TTC28: variants seen among roughly 807,000 people sequenced by gnomAD.
The protein encoded by TTC28 is tetratricopeptide repeat protein 28.
In TTC28, 61 loss-of-function variants were observed where a neutral mutation model predicts 198.0. The observed-to-expected ratio is 0.31, with a 90% CI of 0.25 to 0.38. TTC28 has a LOEUF of 0.38. TTC28 is among the 10% of genes least tolerant of loss of function. The probability of loss-of-function intolerance (pLI) is 1.00; values close to 1 mark genes in which losing one functional copy is unlikely to be tolerated. For missense variants in TTC28, 2,678 were observed against 3,164.0 expected (o/e 0.85, Z 3.69); for synonymous variants, 1,171 against 1,297.8 (o/e 0.90, Z 2.10).
intron 22 of TTC28, 77 bp downstream of exon 22, chr22:27,985,172 A>G (rs973056637): frequency 7.5e-6 from 8 of 1,063,240 alleles, no homozygotes; most frequent in Admixed American, 2.5e-5. Flanking sequence ...GCTTCCCAAA[A>G]TGTATGTGCT....
intron 6 of TTC28, among the ~76,000 whole-genome samples, chr22:28,111,704 C>A (rs989704884): frequency 6.6e-6 from 1 of 152,070 alleles, no homozygotes; most frequent in Non-Finnish European, 1.5e-5. Context: ...CTTTCTCCCA[C>A]AATCATGCCT....
At chr22:28,344,359 C>A (rs1217061434) in intron 2 of TTC28, among the ~76,000 whole-genome samples, 1 of 151,886 alleles carries the variant, frequency 6.6e-6, no homozygotes, top group Non-Finnish European at 1.5e-5. Flanking sequence ...TGCAAAGGAT[C>A]TGATATTAAG....
At chr22:28,076,683 C>T (rs560554081) in intron 12 of TTC28, among the ~76,000 whole-genome samples, 1 of 152,112 alleles carries the variant, frequency 6.6e-6, no homozygotes, top group Non-Finnish European at 1.5e-5. Context: ...ATCAAGTGAC[C>T]CTCCCACCTT....
chr22:28,455,844 CTT>C (rs1021655771), intron 2 of TTC28, among the ~76,000 whole-genome samples: 4 of 152,078 alleles, frequency 2.6e-5, no homozygotes, highest in African/African-American at 9.6e-5. Context: ...ATACAACTAA[CTT>C]TTTGCTAAAA....
intron 2 of TTC28, among the ~76,000 whole-genome samples, chr22:28,488,008 C>T (rs1316249371): frequency 1.3e-5 from 2 of 152,172 alleles, no homozygotes; most frequent in African/African-American, 2.4e-5. Flanking sequence ...CCACCAGACG[C>T]TCCTGCGCAC....
rs576786581 is a variant in TTC28 at position 28,041,098 on chromosome 22, G to A, written c.3933-10732C>T. Among the ~76,000 whole-genome samples the A allele has an allele frequency of 3.3e-5, 5 of 152,246 alleles. No individual in the cohort carries two copies. The South Asian group carries it at 1.0e-3, about 32-fold the overall frequency. On this transcript the variant is annotated intron_variant, in intron 12 of 22. Coordinates refer to ENST00000397906, the MANE Select transcript of TTC28 (RefSeq NM_001145418.2). The stretch of plus-strand genomic sequence containing the variant: ...AAATAAAAGAGGGCACAAACAAATG[G>A]AAGAACATTCCATGCTCATGGATAG...
At chr22:28,237,870 C>T (rs1356197009) in intron 5 of TTC28, among the ~76,000 whole-genome samples, 3 of 152,084 alleles carry the variant, frequency 2.0e-5, no homozygotes, top group Non-Finnish European at 4.4e-5. Flanking sequence ...CAGATTTTTG[C>T]TAGATACTGA....
At chr22:28,303,502 A>T (rs2045069708) in intron 3 of TTC28, among the ~76,000 whole-genome samples, 1 of 152,214 alleles carries the variant, frequency 6.6e-6, no homozygotes, top group African/African-American at 2.4e-5. Context: ...ATAAAGTAAA[A>T]CAGATTTAAT....
intron 12 of TTC28, among the ~76,000 whole-genome samples, chr22:28,083,210 T>C (rs1052943257): frequency 6.6e-6 from 1 of 152,048 alleles, no homozygotes; most frequent in African/African-American, 2.4e-5. Flanking sequence ...TATCCAGATA[T>C]AGATGTTCAT....
intron 2 of TTC28, among the ~76,000 whole-genome samples, chr22:28,405,298 G>A (rs2146115220): frequency 6.6e-6 from 1 of 152,190 alleles, no homozygotes; most frequent in South Asian, 2.1e-4. Context: ...AAAATCTATG[G>A]TAAAGTGTTA....
At chr22:28,553,014 C>T (rs2049711966) in intron 2 of TTC28, among the ~76,000 whole-genome samples, 1 of 152,124 alleles carries the variant, frequency 6.6e-6, no homozygotes, top group African/African-American at 2.4e-5. Context: ...GTCTCCAGCT[C>T]CTAACCGCGA....
intron 5 of TTC28, among the ~76,000 whole-genome samples, chr22:28,264,537 A>G (rs9608675): frequency 0.063 from 9,626 of 152,284 alleles, 394 homozygotes; most frequent in Admixed American, 0.14. Context: ...GAAGGAGAAG[A>G]AAGGATATTT....
intron 6 of TTC28, among the ~76,000 whole-genome samples, chr22:28,131,296 C>T (rs1943055069): frequency 6.6e-6 from 1 of 152,122 alleles, no homozygotes; most frequent in Admixed American, 6.5e-5. Flanking sequence ...TTGTGAGATA[C>T]AGAGATGTTG....
chr22:28,679,360 AC>A (rs957717055), intron 1 of TTC28, among the ~76,000 whole-genome samples: 1 of 151,704 alleles, frequency 6.6e-6, no homozygotes, highest in African/African-American at 2.4e-5. Context: ...GTATACCGAC[AC>A]CCCCCACCCC....
chr22:28,042,301 T>C (rs1401100280), intron 12 of TTC28, among the ~76,000 whole-genome samples: 2 of 152,042 alleles, frequency 1.3e-5, no homozygotes, highest in African/African-American at 4.8e-5. Context: ...TGCAGCACTA[T>C]TCACAGTAGC....
At chr22:28,279,954 T>A (rs1183354852) in intron 5 of TTC28, among the ~76,000 whole-genome samples, 1 of 152,246 alleles carries the variant, frequency 6.6e-6, no homozygotes, top group Non-Finnish European at 1.5e-5. Flanking sequence ...TTGCTACACA[T>A]ATTTTAAAAT....
intron 5 of TTC28, among the ~76,000 whole-genome samples, chr22:28,184,282 A>G (rs1039473332): frequency 3.9e-5 from 6 of 152,196 alleles, no homozygotes; most frequent in Admixed American, 1.3e-4. Context: ...TTAAAGTCAT[A>G]TATTTATATT....
chr22:28,168,103 T>C (rs1043804559), intron 5 of TTC28, among the ~76,000 whole-genome samples: 21 of 152,160 alleles, frequency 1.4e-4, no homozygotes, highest in African/African-American at 3.4e-4. Flanking sequence ...ATCTAGGAAT[T>C]CAACTTACAA....
chr22:27,990,825 GATT>G lies in TTC28; in HGVS notation c.5554-16_5554-14del, dbSNP rs1937374320. 1.3e-6 allele frequency: 2 copies of G among 1,548,282 alleles called. No individual in the cohort carries two copies. Among genetic ancestry groups the G allele is most frequent in the South Asian group, 1.2e-5 (1 of 83,922 alleles). ...TATTTTTAACAGCCTTCGGCCAGCA[GATT>G]ATAAGAAAAAGAAAGAAAGAGAGAA... is the stretch of plus-strand genomic sequence containing the variant. On this transcript the variant is annotated splice_polypyrimidine_tract_variant and intron_variant, in intron 19 of 22. Transcript: ENST00000397906.
Sources: gnomAD v4.1 joint callset for allele counts (sites outside exome capture counted in the v4.1 genomes callset) on GRCh38, gnomAD v4.1.1 for gene constraint, MANE v1.5 for transcripts, NCBI Gene and HGNC (gene_info 2026-07-23, HGNC 2026-07-21) for gene names.